TMEM217: variants seen among roughly 807,000 people sequenced by gnomAD.
TMEM217 encodes the protein chromosome 6 open reading frame 128.
For missense variants in TMEM217, 204 were observed against 248.8 expected (o/e 0.82, Z 1.21); for synonymous variants, 76 against 88.3 (o/e 0.86, Z 0.78).
intron 1 of TMEM217, among the ~76,000 whole-genome samples, chr6:37,225,333 C>A (rs1763763522): frequency 6.6e-6 from 1 of 152,000 alleles, no homozygotes; most frequent in African/African-American, 2.4e-5. Flanking sequence ...TATTCTGTTT[C>A]TTGGGTTGAA....
chr6:37,212,718 C>T (rs1403165911), downstream of TMEM217: 1 of 654,558 alleles, frequency 1.5e-6, no homozygotes, highest in Admixed American at 2.1e-5. Flanking sequence ...TCAGCAGCCC[C>T]ATGTAGATAT....
At chr6:37,217,913 A>G (rs1280345537) in exon 2 of TMEM217, 7 of 985,964 alleles carry the variant, frequency 7.1e-6, no homozygotes, top group Admixed American at 1.2e-4. Context: ...AGGTGAGTTC[A>G]CAGAAGTTTT....
intron 1 of TMEM217, among the ~76,000 whole-genome samples, chr6:37,250,829 G>T (rs1226093270): frequency 1.3e-5 from 2 of 152,206 alleles, no homozygotes; most frequent in East Asian, 1.9e-4. Flanking sequence ...TTCATTAAAG[G>T]TCCCAACCTT....
chr6:37,244,722 A>G (rs977160436), intron 1 of TMEM217, among the ~76,000 whole-genome samples: 1 of 152,182 alleles, frequency 6.6e-6, no homozygotes, highest in East Asian at 1.9e-4. Flanking sequence ...GCATGTAACA[A>G]TGGACATGTA....
At chr6:37,234,523 G>A (rs1022143249) in intron 1 of TMEM217, among the ~76,000 whole-genome samples, 8 of 152,150 alleles carry the variant, frequency 5.3e-5, no homozygotes, top group Admixed American at 3.3e-4. Context: ...CACTAGTGAT[G>A]ATACAGTTAA....
chr6:37,256,782 A>T (rs1270598729), intron 1 of TMEM217, among the ~76,000 whole-genome samples: 2 of 152,154 alleles, frequency 1.3e-5, no homozygotes, highest in South Asian at 2.1e-4. Flanking sequence ...CCACCTCAAC[A>T]GTCCTTCGAA....
At chr6:37,214,243 CTT>C (rs1763066683), downstream of TMEM217, among the ~76,000 whole-genome samples, 1 of 152,120 alleles carries the variant, frequency 6.6e-6, no homozygotes, top group Non-Finnish European at 1.5e-5. Context: ...CTCTCTCTCT[CTT>C]TCGACAGAGT....
intron 1 of TMEM217, among the ~76,000 whole-genome samples, chr6:37,243,280 A>G (rs1383914404): frequency 6.6e-6 from 1 of 152,210 alleles, no homozygotes. Context: ...TCGGTTGGCC[A>G]GAATAAGGTT....
intron 1 of TMEM217, among the ~76,000 whole-genome samples, chr6:37,250,395 A>G (rs1583492394): frequency 2.0e-5 from 3 of 152,332 alleles, no homozygotes; most frequent in Admixed American, 2.0e-4. Context: ...TTAGTTTTAT[A>G]CATTCTCTTG....
intron 1 of TMEM217, among the ~76,000 whole-genome samples, chr6:37,253,897 C>T (rs12190959): frequency 0.18 from 27,887 of 152,102 alleles, 2,735 homozygotes; most frequent in Non-Finnish European, 0.21. Context: ...ATATGCCTAC[C>T]TCTTTTGAGT....
intron 1 of TMEM217, among the ~76,000 whole-genome samples, chr6:37,224,625 C>T (rs199558339): frequency 7.4e-6 from 1 of 135,894 alleles, no homozygotes. Context: ...GAAAAAAAAA[C>T]CTTTTATTTT....
Position 37,230,746 on chromosome 6 carries a change from C to G in TMEM217, c.-11-11705G>C, listed in dbSNP as rs767475354. The stretch of plus-strand genomic sequence containing the variant: ...TGATATGTAGTTATAGAAGCCCTAG[C>G]AAACCAATAAAGGGGCCAAAATTCT... On this transcript the variant is annotated intron_variant, in intron 1 of 1. Transcript: ENST00000357219. 2.2e-4 allele frequency among the ~76,000 whole-genome samples: 33 copies of G among 152,284 alleles called. 1 individual carries two copies. The highest frequency in any genetic ancestry group is 4.3e-4 in the Non-Finnish European group (29 of 68,026).
intron 1 of TMEM217, among the ~76,000 whole-genome samples, chr6:37,224,827 A>G (rs1763729251): frequency 6.6e-6 from 1 of 152,132 alleles, no homozygotes; most frequent in African/African-American, 2.4e-5. Flanking sequence ...AAAACCAAGC[A>G]AAATTTAAGA....
chr6:37,218,371 A>C (rs1562000948), exon 2 of TMEM217: 1 of 1,396,258 alleles, frequency 7.2e-7, no homozygotes, highest in South Asian at 1.3e-5. Context: ...GGGTTTTGCC[A>C]TGGCTGCCAA....
At chr6:37,215,570 C>CAAAAAAAAAAAAAAAAA (rs34808595), downstream of TMEM217, among the ~76,000 whole-genome samples, 24 of 72,378 alleles carry the variant, frequency 3.3e-4, no homozygotes, top group African/African-American at 9.6e-4. Flanking sequence ...GACTCTGTCT[C>CAAAAAAAAAAAAAAAAA]AAAAAAAAAA....
chr6:37,257,553 G>A lies in TMEM217; in HGVS notation c.-12+15C>T, dbSNP rs1765827578. On this transcript the variant is annotated intron_variant, in intron 1 of 1. Coordinates refer to ENST00000357219, the Ensembl canonical transcript of TMEM217. Reference sequence around the variant, plus strand: ...AGATAATCCCCTCTTCCTTCCCATAGGTCCCTTACCTTACCTGCTTCTTCC... The same window carrying A: ...AGATAATCCCCTCTTCCTTCCCATAAGTCCCTTACCTTACCTGCTTCTTCC... 1 of 284,070 alleles carries A rather than the reference G, an allele frequency of 3.5e-6. No individual in the cohort carries two copies. The highest frequency in any genetic ancestry group is 5.1e-5 in the Admixed American group (1 of 19,782). 17.6% of individuals were successfully genotyped at this position (284,070 alleles called of 1,614,324 possible).
intron 1 of TMEM217, among the ~76,000 whole-genome samples, chr6:37,227,740 C>T (rs899392270): frequency 1.1e-4 from 17 of 151,936 alleles, no homozygotes; most frequent in African/African-American, 2.2e-4. Flanking sequence ...TGAGCCATTG[C>T]GCTCAGCCTA....
downstream of TMEM217, chr6:37,212,962 A>T: frequency 6.5e-7 from 1 of 1,548,958 alleles, no homozygotes; most frequent in Non-Finnish European, 8.7e-7. Context: ...GAACATCCTG[A>T]CATTCATTTT....
chr6:37,213,027 C>T (rs1266717352), downstream of TMEM217: 16 of 1,443,540 alleles, frequency 1.1e-5, no homozygotes, highest in African/African-American at 1.4e-5. Flanking sequence ...AGACACGTGA[C>T]AAGATGGCAG....
Sources: allele counts gnomAD v4.1 joint callset (sites outside exome capture counted in the v4.1 genomes callset), GRCh38; gene constraint gnomAD v4.1.1; transcripts MANE v1.5; gene names NCBI Gene and HGNC (gene_info 2026-07-23, HGNC 2026-07-21).